The following CDK14 variants were observed in gnomAD, a reference collection of about 807,000 sequenced individuals.
CDK14 encodes cyclin-dependent kinase 14.
Under a neutral mutation model 60.7 loss-of-function variants are expected in CDK14, and 34 were observed. That is an observed-to-expected ratio of 0.56 (90% confidence interval 0.43 to 0.75). CDK14 has a LOEUF of 0.75. Among genes scored for constraint, CDK14 ranks in the 30% least tolerant of loss-of-function variants. CDK14 has a pLI of 0.00. For synonymous variants in CDK14, 197 were observed against 203.7 expected, an observed-to-expected ratio of 0.97 and a Z score of 0.28; for missense variants, 482 against 564.1, an observed-to-expected ratio of 0.85 and a Z score of 1.47.
intron 10 of CDK14, among the ~76,000 whole-genome samples, chr7:90,986,339 TTA>T (rs1177259104): frequency 6.6e-6 from 1 of 152,046 alleles, no homozygotes; most frequent in African/African-American, 2.4e-5. Flanking sequence ...TAAGAAGTCC[TTA>T]TTTCAATAAA....
At chr7:90,689,998 GACTA>G (rs1260437735) in intron 2 of CDK14, among the ~76,000 whole-genome samples, 10 of 152,046 alleles carry the variant, frequency 6.6e-5, no homozygotes, top group East Asian at 1.9e-4. Flanking sequence ...ACATTACGAA[GACTA>G]ACTACTATAT....
chr7:90,866,229 C>T (rs1791176518), intron 6 of CDK14, among the ~76,000 whole-genome samples: 3 of 117,880 alleles, frequency 2.5e-5, no homozygotes, highest in Non-Finnish European at 5.2e-5. Context: ...CACACACATA[C>T]ACATACACAC....
At chr7:90,849,857 G>T (rs1283221598) in intron 5 of CDK14, among the ~76,000 whole-genome samples, 1 of 151,940 alleles carries the variant, frequency 6.6e-6, no homozygotes, top group Non-Finnish European at 1.5e-5. Context: ...TTTTCTTATT[G>T]ATACTGTCTT....
intron 6 of CDK14, among the ~76,000 whole-genome samples, chr7:90,895,927 A>T (rs957525288): frequency 6.6e-6 from 1 of 151,866 alleles, no homozygotes; most frequent in African/African-American, 2.4e-5. Flanking sequence ...TCCTCACTTA[A>T]TAAAAAAAAT....
intron 5 of CDK14, among the ~76,000 whole-genome samples, chr7:90,829,260 T>C (rs1240380045): frequency 6.6e-6 from 1 of 152,146 alleles, no homozygotes; most frequent in East Asian, 1.9e-4. Flanking sequence ...CTCATGTCTT[T>C]CTCACATTTC....
intron 10 of CDK14, among the ~76,000 whole-genome samples, chr7:91,045,480 T>C (rs1194662649): frequency 6.6e-6 from 1 of 152,108 alleles, no homozygotes; most frequent in African/African-American, 2.4e-5. Flanking sequence ...ACAGAGGATG[T>C]GGGGTAGAAA....
intron 5 of CDK14, among the ~76,000 whole-genome samples, chr7:90,815,924 G>A (rs1469324893): frequency 6.6e-6 from 1 of 152,018 alleles, no homozygotes; most frequent in African/African-American, 2.4e-5. Flanking sequence ...TCCGGGGATG[G>A]GGGGTAAGGG....
intron 14 of CDK14, among the ~76,000 whole-genome samples, chr7:91,153,712 A>C (rs1800890922): frequency 6.6e-6 from 1 of 152,112 alleles, no homozygotes; most frequent in South Asian, 2.1e-4. Context: ...GGGAAACAAC[A>C]CATACTGGGG....
At chr7:90,733,584 G>T (rs962228888) in intron 3 of CDK14, among the ~76,000 whole-genome samples, 1 of 152,082 alleles carries the variant, frequency 6.6e-6, no homozygotes, top group Non-Finnish European at 1.5e-5. Flanking sequence ...GTCCTTCTTT[G>T]TTTCTTTTTA....
intron 4 of CDK14, among the ~76,000 whole-genome samples, chr7:90,781,088 C>T (rs377666488): frequency 4.3e-4 from 65 of 152,154 alleles, no homozygotes; most frequent in East Asian, 7.7e-4. Context: ...TTTTAATGAT[C>T]GCCATTCTAA....
At chr7:91,118,963 C>G (rs1216566514) in intron 14 of CDK14, among the ~76,000 whole-genome samples, 1 of 152,058 alleles carries the variant, frequency 6.6e-6, no homozygotes, top group Non-Finnish European at 1.5e-5. Flanking sequence ...ATGGCAACTT[C>G]TGAAAAGGCC....
chr7:90,858,162 AAATAT>A (rs1449373625), intron 5 of CDK14, among the ~76,000 whole-genome samples: 2 of 152,216 alleles, frequency 1.3e-5, no homozygotes, highest in African/African-American at 4.8e-5. Flanking sequence ...AAGTGGTCAA[AAATAT>A]AATATGAAAA....
intron 8 of CDK14, among the ~76,000 whole-genome samples, chr7:90,927,188 C>T (rs1793443542): frequency 6.6e-6 from 1 of 152,128 alleles, no homozygotes; most frequent in Non-Finnish European, 1.5e-5. Flanking sequence ...CCTTGCCCCT[C>T]CCTGGAGGCA....
At chr7:90,776,929 G>A (rs988182386) in intron 4 of CDK14, among the ~76,000 whole-genome samples, 1 of 151,698 alleles carries the variant, frequency 6.6e-6, no homozygotes, top group Admixed American at 6.6e-5. Context: ...CCCCTTGCAC[G>A]CTCTTCTTGT....
intron 14 of CDK14, among the ~76,000 whole-genome samples, chr7:91,173,401 C>T (rs1801593997): frequency 6.6e-6 from 1 of 151,334 alleles, no homozygotes; most frequent in Non-Finnish European, 1.5e-5. Flanking sequence ...CAAGACCAGC[C>T]TGGGCAAAAG....
At chr7:90,618,872 C>G (rs1294833294) in intron 2 of CDK14, among the ~76,000 whole-genome samples, 6 of 152,110 alleles carry the variant, frequency 3.9e-5, no homozygotes, top group Non-Finnish European at 8.8e-5. Flanking sequence ...CATTTGGACT[C>G]AGAAGTAGGA....
intron 10 of CDK14, among the ~76,000 whole-genome samples, chr7:91,023,176 C>T (rs1432657622): frequency 6.6e-6 from 1 of 152,084 alleles, no homozygotes; most frequent in East Asian, 1.9e-4. Flanking sequence ...TACCTTATTC[C>T]ACAGTGGAAC....
rs776440501 is a variant in CDK14, at chr7:90,596,715, A to C, written c.88A>C (p.Ile30Leu). The change falls in exon 1 of 15, where the codon ATT becomes CTT. Residue 30 changes from isoleucine to leucine, a missense_variant. Ile to Leu is a conservative substitution (Grantham distance 5). Coordinates refer to ENST00000380050, the MANE Select transcript of CDK14 (RefSeq NM_001287135.2). The part of the protein sequence containing the change: ...RRTLSESFSR[I>L]ALKKDDTTFD... The stretch of plus-strand genomic sequence containing the variant: ...AACTTTGTCGGAGAGTTTCAGTCGC[A>C]TTGGTGAGTAGCGCGCTGCCCCCGG... 5 of 1,610,316 alleles carry C rather than the reference A, an allele frequency of 3.1e-6. 1 individual carries two copies. The Admixed American group carries it at 6.7e-5, about 21-fold the overall frequency.
chr7:91,097,011 G>A (rs1799010683), intron 12 of CDK14, among the ~76,000 whole-genome samples: 1 of 152,050 alleles, frequency 6.6e-6, no homozygotes, highest in Non-Finnish European at 1.5e-5. Flanking sequence ...TTCACAAAAG[G>A]GAAAATGAAA....
Sources: allele counts gnomAD v4.1 joint callset (sites outside exome capture counted in the v4.1 genomes callset), GRCh38; gene constraint gnomAD v4.1.1; transcripts MANE v1.5; gene names NCBI Gene and HGNC (gene_info 2026-07-23, HGNC 2026-07-21).